LPP: variants seen among roughly 807,000 people sequenced by gnomAD.
LPP encodes the protein LIM domain containing preferred translocation partner in lipoma.
A neutral mutation model predicts 60.4 loss-of-function variants in LPP; 38 were observed. That is an observed-to-expected ratio of 0.63 (90% CI 0.49 to 0.83). The LOEUF is 0.83. Among genes scored for constraint, LPP ranks in the 40% least tolerant of loss-of-function variants. The pLI is 0.00. For missense variants in LPP, 902 were observed against 783.6 expected (o/e 1.15, Z -1.80); for synonymous variants, 328 against 290.8 (o/e 1.13, Z -1.30).
chr3:188,524,679 C>A lies in LPP; in HGVS notation c.321C>A (p.Gly107=). ...GCTTCCAACAGGGGAATCCCGGAGGCAAGACACTTGAGGAGAGGCGCTCCA... is the reference window on the plus strand; with the variant it reads ...GCTTCCAACAGGGGAATCCCGGAGGAAAGACACTTGAGGAGAGGCGCTCCA... The part of the protein sequence containing the change: ...EAFKVQGNPG[G]KTLEERRSSL... The change falls in exon 6 of 12, where the codon GGC becomes GGA. Residue 107 remains glycine, a synonymous_variant. Coordinates refer to ENST00000617246, the MANE Select transcript of LPP (RefSeq NM_001375462.1). 1 of 1,613,606 alleles carries A rather than the reference C, an allele frequency of 6.2e-7. No homozygotes were observed. Among genetic ancestry groups the A allele is most frequent in the Non-Finnish European group, 8.5e-7 (1 of 1,179,754 alleles).
chr3:188,651,870 A>C (rs1043352358), intron 7 of LPP, among the ~76,000 whole-genome samples: 1 of 152,196 alleles, frequency 6.6e-6, no homozygotes, highest in Admixed American at 6.5e-5. Flanking sequence ...TAATGGCACC[A>C]CAGTTTCTAA....
intron 2 of LPP, chr3:188,240,275 G>C (rs182644675): frequency 2.3e-5 from 4 of 170,516 alleles, no homozygotes; most frequent in South Asian, 4.0e-4. Context: ...GGGAACATGG[G>C]TAGGAATAGC....
chr3:188,750,190 C>T (rs1359803581), intron 8 of LPP, among the ~76,000 whole-genome samples: 2 of 152,124 alleles, frequency 1.3e-5, no homozygotes, highest in African/African-American at 4.8e-5. Flanking sequence ...CAGAGAAGCC[C>T]GTATGGCCTG....
rs1766088105 is a variant in LPP at position 188,352,306 on chromosome 3, A to C, written c.-10+10587A>C. ...CTGTTCTGAAATGTGGCAGCTGCGC[A>C]CACGTATTGGCTGCTTTTTCTCCCC... On this transcript the variant is annotated intron_variant, in intron 3 of 11. Coordinates refer to ENST00000617246, the MANE Select transcript of LPP (RefSeq NM_001375462.1). The surrounding 1 kb of genome is among the most constrained non-coding windows in gnomAD (Gnocchi z 4.4). Among the ~76,000 whole-genome samples the C allele has an allele frequency of 6.6e-6, 1 of 152,192 alleles. No homozygotes were observed. The highest frequency in any genetic ancestry group is 1.5e-5 in the Non-Finnish European group (1 of 68,036).
intron 3 of LPP, among the ~76,000 whole-genome samples, chr3:188,383,974 A>G (rs1777539464): frequency 6.6e-6 from 1 of 152,196 alleles, no homozygotes; most frequent in Non-Finnish European, 1.5e-5. Flanking sequence ...AAATGTTCTC[A>G]TTCATCAGAC....
intron 2 of LPP, among the ~76,000 whole-genome samples, chr3:188,304,876 G>C (rs937873634): frequency 6.6e-6 from 1 of 152,234 alleles, no homozygotes; most frequent in African/African-American, 2.4e-5. Flanking sequence ...CAGCTCTTCT[G>C]ATAGTTAAAT....
intron 3 of LPP, among the ~76,000 whole-genome samples, chr3:188,374,795 G>A (rs1005798027): frequency 1.3e-5 from 2 of 152,138 alleles, no homozygotes; most frequent in East Asian, 1.9e-4. Flanking sequence ...CATTTTCAAA[G>A]GGAATGCTTC....
intron 7 of LPP, among the ~76,000 whole-genome samples, chr3:188,704,829 G>T (rs1051617351): frequency 1.3e-5 from 2 of 151,674 alleles, no homozygotes; most frequent in African/African-American, 4.8e-5. Flanking sequence ...ACTTGTCCAC[G>T]TTCTTACCCA....
intron 9 of LPP, among the ~76,000 whole-genome samples, chr3:188,795,949 G>A (rs922270578): frequency 3.9e-5 from 6 of 152,000 alleles, no homozygotes; most frequent in African/African-American, 1.4e-4. Flanking sequence ...CAGTTGGTGG[G>A]GTGCGCCTTA....
chr3:188,253,215 A>G (rs1289947937), intron 2 of LPP, among the ~76,000 whole-genome samples: 1 of 151,740 alleles, frequency 6.6e-6, no homozygotes, highest in African/African-American at 2.4e-5. Context: ...GACTTTGATT[A>G]CAGTGTTTTA....
At chr3:188,368,698 A>T (rs527698110) in intron 3 of LPP, among the ~76,000 whole-genome samples, 1 of 118,152 alleles carries the variant, frequency 8.5e-6, no homozygotes, top group African/African-American at 3.1e-5. Context: ...ACACACACAC[A>T]CACACACACA....
intron 2 of LPP, among the ~76,000 whole-genome samples, chr3:188,237,047 C>T (rs551911691): frequency 2.9e-4 from 44 of 152,244 alleles, no homozygotes; most frequent in African/African-American, 1.0e-3. Context: ...CTGCTTTATC[C>T]ATTAAGTTTA....
chr3:188,661,399 T>C (rs6789492), intron 7 of LPP, among the ~76,000 whole-genome samples: 141,203 of 152,230 alleles, frequency 0.93, 66,342 homozygotes, highest in East Asian at 1. Context: ...ATGTTTAGTT[T>C]TGTAAAAAAC....
chr3:188,766,865 A>G (rs548752965), intron 9 of LPP, among the ~76,000 whole-genome samples: 6 of 152,194 alleles, frequency 3.9e-5, no homozygotes, highest in Non-Finnish European at 8.8e-5. Context: ...TGGGTATGGA[A>G]GGATGTATAC....
At chr3:188,394,657 C>T (rs746999584) in intron 3 of LPP, among the ~76,000 whole-genome samples, 9 of 151,386 alleles carry the variant, frequency 5.9e-5, no homozygotes, top group Non-Finnish European at 1.3e-4. Flanking sequence ...TATTTTTACA[C>T]AGTGGTCAAT....
chr3:188,276,644 G>A (rs977078071), intron 2 of LPP, among the ~76,000 whole-genome samples: 4 of 150,262 alleles, frequency 2.7e-5, no homozygotes, highest in African/African-American at 9.9e-5. Context: ...TTAAAAGTGT[G>A]TGGCACCCCC....
At chr3:188,287,703 T>C (rs1744438297) in intron 2 of LPP, among the ~76,000 whole-genome samples, 1 of 152,180 alleles carries the variant, frequency 6.6e-6, no homozygotes, top group Admixed American at 6.5e-5. Flanking sequence ...ATAAGTTCTT[T>C]TTTTCTCTGG....
Position 188,889,497 on chromosome 3 carries a change from GA to G in LPP, c.*15020del. 4.3e-6 allele frequency: 1 copy of G among 230,822 alleles called. No homozygotes were observed. The highest frequency in any genetic ancestry group is 6.1e-5 in the East Asian group (1 of 16,340). 14.3% of individuals were successfully genotyped at this position (230,822 alleles called of 1,614,324 possible). A position where few individuals can be genotyped will look rare whatever the true frequency, so the allele number is the denominator to read the frequency against. On this transcript the variant is annotated 3_prime_UTR_variant, in exon 12 of 12. Coordinates refer to ENST00000617246, the MANE Select transcript of LPP (RefSeq NM_001375462.1). Reference sequence around the variant, plus strand: ...AAGTCAGTTGGCTCCATATTCACTTGAATATGCCTCTGTTTGGGCAAAGCAA... The same window carrying G: ...AAGTCAGTTGGCTCCATATTCACTTGATATGCCTCTGTTTGGGCAAAGCAA...
At chr3:188,870,902 T>C (rs1355249646) in intron 10 of LPP, among the ~76,000 whole-genome samples, 1 of 152,188 alleles carries the variant, frequency 6.6e-6, no homozygotes, top group Non-Finnish European at 1.5e-5. Context: ...AACCTTGAGA[T>C]TGAACATAAA....
Sources: gnomAD v4.1 joint callset for allele counts (sites outside exome capture counted in the v4.1 genomes callset) on GRCh38, gnomAD v4.1.1 for gene constraint, Gnocchi (gnomAD v3.1) non-coding constraint, MANE v1.5 for transcripts, NCBI Gene and HGNC (gene_info 2026-07-23, HGNC 2026-07-21) for gene names.